AIG1: variants seen among roughly 807,000 people sequenced by gnomAD.
AIG1 encodes androgen induced 1.
AIG1 carries 23 observed loss-of-function variants against 31.4 expected under a neutral mutation model. The ratio of observed to expected loss-of-function variants is 0.73; its 90% CI spans 0.53 to 1.04. The LOEUF is 1.04. Among genes scored for constraint, AIG1 ranks in the 50% least tolerant of loss-of-function variants. The pLI, the probability that AIG1 is intolerant of heterozygous loss-of-function variation, is 0.00. For missense variants in AIG1, 274 were observed against 295.0 expected (o/e 0.93, Z 0.52); for synonymous variants, 100 against 110.5 (o/e 0.90, Z 0.60).
At chr6:143,113,896 T>G (rs1207661835) in intron 1 of AIG1, among the ~76,000 whole-genome samples, 1 of 151,916 alleles carries the variant, frequency 6.6e-6, no homozygotes, top group Non-Finnish European at 1.5e-5. Context: ...TGCCTCAGCT[T>G]CCGGAGTAGC....
intron 3 of AIG1, chr6:143,190,074 C>G (rs1381813050): frequency 1.2e-5 from 8 of 667,726 alleles, no homozygotes; most frequent in Non-Finnish European, 1.5e-5. Flanking sequence ...ATTGAGGATT[C>G]CACCCCAGTG....
At chr6:143,093,918 A>G (rs1279797366) in intron 1 of AIG1, 2 of 152,206 alleles carry the variant, frequency 1.3e-5, no homozygotes, top group Non-Finnish European at 2.9e-5. Context: ...AACAATTATA[A>G]TAGTAAGATC....
At chr6:143,094,538 T>A (rs1263932305) in intron 1 of AIG1, among the ~76,000 whole-genome samples, 1 of 152,182 alleles carries the variant, frequency 6.6e-6, no homozygotes. Flanking sequence ...ACCTTCTCAA[T>A]AGAGCTGAGG....
chr6:143,343,128 G>C (rs1777888068), downstream of AIG1: 1 of 760,738 alleles, frequency 1.3e-6, no homozygotes, highest in Non-Finnish European at 2.5e-6. Flanking sequence ...CAGAAGGGAG[G>C]CTTGCCATTA....
At chr6:143,188,174 T>A in intron 3 of AIG1, 5 of 998,960 alleles carry the variant, frequency 5.0e-6, no homozygotes, top group Non-Finnish European at 6.0e-6. Flanking sequence ...GAGGAAGAGG[T>A]ATCTCTCTTT....
intron 1 of AIG1, among the ~76,000 whole-genome samples, chr6:143,092,849 A>T (rs1779423264): frequency 1.3e-5 from 2 of 152,106 alleles, no homozygotes; most frequent in South Asian, 4.1e-4. Flanking sequence ...CAGGAGATTG[A>T]GACTAGCCTG....
In AIG1 at chr6:143,308,840, A is replaced by G. The variant is rs576373636; in HGVS notation, c.516-24442A>G. ...AGTTACTTTAATCTGTGAAATTTCC[A>G]CAAAGCATTGTATGGCTTTCCCTTG... On this transcript the variant is annotated intron_variant, in intron 4 of 5. Coordinates refer to ENST00000357847, the MANE Select transcript of AIG1 (RefSeq NM_016108.4). Among the ~76,000 whole-genome samples, 5 of 152,322 alleles carry G rather than the reference A, an allele frequency of 3.3e-5. No individual in the cohort carries two copies. The South Asian group carries it at 1.0e-3, about 32-fold the overall frequency.
chr6:143,144,300 G>A (rs1012307671), intron 2 of AIG1, among the ~76,000 whole-genome samples: 1 of 152,194 alleles, frequency 6.6e-6, no homozygotes, highest in Admixed American at 6.5e-5. Context: ...GGAGCCTACT[G>A]TGTAGCAAGT....
intron 3 of AIG1, among the ~76,000 whole-genome samples, chr6:143,225,086 A>G (rs1792843584): frequency 6.6e-6 from 1 of 152,072 alleles, no homozygotes; most frequent in African/African-American, 2.4e-5. Flanking sequence ...GTTCTTGGCA[A>G]ACTCTACCAT....
At chr6:143,262,232 C>T (rs1044936454) in intron 3 of AIG1, among the ~76,000 whole-genome samples, 1 of 152,190 alleles carries the variant, frequency 6.6e-6, no homozygotes, top group Non-Finnish European at 1.5e-5. Context: ...GGTAAATGGG[C>T]TTACATAATC....
At position 143,330,769 on chromosome 6, in the gene AIG1, A is replaced by C. The variant is rs1777012005; in HGVS notation, c.516-2513A>C. On this transcript the variant is annotated intron_variant, in intron 4 of 5. Transcript: ENST00000357847. The surrounding 1 kb of genome is among the most constrained non-coding windows in gnomAD (Gnocchi z 4.4). ...ATCAATTACAGCTTAATGGTGTTAA[A>C]TTGGGGGAATATTGCATATTCTCTC... Among the ~76,000 whole-genome samples the C allele has an allele frequency of 6.6e-6, 1 of 152,228 alleles. No individual in the cohort carries two copies. The highest frequency in any genetic ancestry group is 1.5e-5 in the Non-Finnish European group (1 of 68,042).
chr6:143,316,817 C>T (rs1273257391), intron 4 of AIG1, among the ~76,000 whole-genome samples: 2 of 151,806 alleles, frequency 1.3e-5, no homozygotes, highest in East Asian at 3.9e-4. Flanking sequence ...AGAAAAGAAA[C>T]GGGAGATATT....
chr6:143,266,801 A>G (rs1796189930), intron 3 of AIG1, among the ~76,000 whole-genome samples: 1 of 152,192 alleles, frequency 6.6e-6, no homozygotes. Context: ...TTAGCTGGGC[A>G]TGGTGGAACA....
rs1050530610 is a variant in AIG1 at position 143,334,016 on chromosome 6, C to T, written c.679+571C>T. Reference sequence around the variant, plus strand: ...CTACAAGCAGTAAAAGATAATATTTCGTGGCTGGAAAAACTCTTTTAACCT... The same window carrying T: ...CTACAAGCAGTAAAAGATAATATTTTGTGGCTGGAAAAACTCTTTTAACCT... On this transcript the variant is annotated intron_variant, in intron 5 of 5. Transcript: ENST00000357847. The surrounding 1 kb of genome is among the most constrained non-coding windows in gnomAD (Gnocchi z 5.1). 1.6e-5 allele frequency: 25 copies of T among 1,523,454 alleles called. No homozygotes were observed. Among genetic ancestry groups the T allele is most frequent in the Middle Eastern group, 1.7e-4 (1 of 5,938 alleles). The allele number at this position is 1,523,454 out of a possible 1,614,324, so 94.4% of individuals were successfully genotyped here.
chr6:143,338,657 C>T lies in AIG1; in HGVS notation c.680-982C>T, dbSNP rs1413991534. On this transcript the variant is annotated intron_variant, in intron 5 of 5. Transcript: ENST00000357847. The surrounding 1 kb of genome is among the most constrained non-coding windows in gnomAD (Gnocchi z 4.3). Reference sequence around the variant, plus strand: ...TCTGAGGTCTTCTCTGTGTTCATTGCTTATTAATTTTATTCAGCAAAGATT... The same window carrying T: ...TCTGAGGTCTTCTCTGTGTTCATTGTTTATTAATTTTATTCAGCAAAGATT... 1 of 152,048 alleles carries T rather than the reference C, an allele frequency of 6.6e-6. No homozygotes were observed. The allele number at this position is 152,048 out of a possible 1,614,324, so 9.4% of individuals were successfully genotyped here.
At position 143,207,554 on chromosome 6, in the gene AIG1, C is replaced by T. The variant is rs1420876497; in HGVS notation, c.399+42371C>T. ...CACACACACACACACACCCCTACTC[C>T]TTCCCATTTGTGTCATAAATACAGT... On this transcript the variant is annotated intron_variant, in intron 3 of 5. Coordinates refer to ENST00000357847, the MANE Select transcript of AIG1 (RefSeq NM_016108.4). Among the ~76,000 whole-genome samples, 3 of 151,736 alleles carry T rather than the reference C, an allele frequency of 2.0e-5. No individual in the cohort carries two copies. In the East Asian group the frequency reaches 5.8e-4, roughly 29 times the overall value.
At chr6:143,216,705 T>C (rs1263503846) in intron 3 of AIG1, among the ~76,000 whole-genome samples, 1 of 152,226 alleles carries the variant, frequency 6.6e-6, no homozygotes, top group East Asian at 1.9e-4. Context: ...CAACTGATGG[T>C]TAGTACATAG....
intron 3 of AIG1, among the ~76,000 whole-genome samples, chr6:143,222,066 A>T (rs964756565): frequency 6.6e-6 from 1 of 152,212 alleles, no homozygotes; most frequent in Non-Finnish European, 1.5e-5. Flanking sequence ...TTCCTCATTT[A>T]TACATGAGAT....
chr6:143,318,576 A>G (rs1404428289), intron 4 of AIG1, among the ~76,000 whole-genome samples: 1 of 152,162 alleles, frequency 6.6e-6, no homozygotes, highest in Non-Finnish European at 1.5e-5. Context: ...GCTTAGGCAA[A>G]GACTTCATCA....
Sources: gnomAD v4.1 joint callset for allele counts (sites outside exome capture counted in the v4.1 genomes callset) on GRCh38, gnomAD v4.1.1 for gene constraint, Gnocchi (gnomAD v3.1) non-coding constraint, MANE v1.5 for transcripts, NCBI Gene and HGNC (gene_info 2026-07-23, HGNC 2026-07-21) for gene names.